The following AMBRA1 variants were observed in gnomAD, a reference collection of about 807,000 sequenced individuals.
The protein encoded by AMBRA1 is activating molecule in BECN1-regulated autophagy protein 1.
Under a neutral mutation model 125.4 loss-of-function variants are expected in AMBRA1, and 47 were observed. That is an observed-to-expected ratio of 0.37 (90% CI 0.30 to 0.48). The LOEUF is 0.48. Ranked by LOEUF, AMBRA1 falls within the 20% of genes least tolerant of loss-of-function variation. The probability of loss-of-function intolerance (pLI) is 0.99; values close to 1 mark genes in which losing one functional copy is unlikely to be tolerated. For synonymous variants in AMBRA1, 626 were observed against 655.5 expected (o/e 0.95, Z 0.69); for missense variants, 1,331 against 1,693.4 (o/e 0.79, Z 3.76).
intron 7 of AMBRA1, among the ~76,000 whole-genome samples, chr11:46,538,775 G>C (rs1952605027): frequency 6.6e-6 from 1 of 152,148 alleles, no homozygotes; most frequent in Non-Finnish European, 1.5e-5. Context: ...TGGGATTACA[G>C]GCGTGAGCCA....
intron 13 of AMBRA1, 121 bp downstream of exon 13, chr11:46,434,728 C>T (rs1471148866): frequency 1.9e-6 from 2 of 1,062,764 alleles, no homozygotes; most frequent in Non-Finnish European, 1.3e-6. Context: ...TGGCCTGTGC[C>T]CCAGTGAAGG....
At chr11:46,541,287 ATTC>A (rs1416360269) in intron 7 of AMBRA1, among the ~76,000 whole-genome samples, 2 of 152,154 alleles carry the variant, frequency 1.3e-5, no homozygotes, top group African/African-American at 2.4e-5. Context: ...TCCATGAATT[ATTC>A]TTCTTCTCCA....
In AMBRA1 at chr11:46,522,784, T is replaced by C. The variant is rs781330571; in HGVS notation, c.2073-9971A>G. Among the ~76,000 whole-genome samples the C allele has an allele frequency of 2.6e-4, 40 of 152,240 alleles. 1 individual carries two copies. The highest frequency in any genetic ancestry group is 5.1e-4 in the Non-Finnish European group (35 of 68,042). ...GAATCATTTATTGCTGTGATACTAG[T>C]AAGCCTGTGAAGGTCTTAAAAAACA... On this transcript the variant is annotated intron_variant, in intron 7 of 17. Transcript: ENST00000683756.
At chr11:46,550,294 G>A (rs1041628649) in intron 1 of AMBRA1, among the ~76,000 whole-genome samples, 4 of 152,178 alleles carry the variant, frequency 2.6e-5, no homozygotes, top group African/African-American at 9.7e-5. Context: ...TGGTGACAGT[G>A]CGTCACAGTT....
Position 46,520,588 on chromosome 11 carries a change from TTTTTC to T in AMBRA1, c.2073-7780_2073-7776del, listed in dbSNP as rs1312134810. Among the ~76,000 whole-genome samples, 299 of 151,500 alleles carry T rather than the reference TTTTTC, an allele frequency of 2.0e-3. 3 individuals are homozygous for T. Among genetic ancestry groups the T allele is most frequent in the African/African-American group, 6.8e-3 (281 of 41,258 alleles). On this transcript the variant is annotated intron_variant, in intron 7 of 17. Transcript: ENST00000683756. ...TTCCCCAGTGCCCCACAGCATTTTG[TTTTTC>T]TTTTCTTTTTTTTTTTTTTTGAGAC... is the stretch of plus-strand genomic sequence containing the variant.
chr11:46,559,515 A>G (rs922719206), intron 1 of AMBRA1, among the ~76,000 whole-genome samples: 2 of 152,178 alleles, frequency 1.3e-5, no homozygotes, highest in Admixed American at 6.6e-5. Flanking sequence ...TAATCCTCCT[A>G]TTTGAAACAC....
chr11:46,460,255 TATA>T (rs1949041207), intron 11 of AMBRA1, among the ~76,000 whole-genome samples: 1 of 152,020 alleles, frequency 6.6e-6, no homozygotes, highest in African/African-American at 2.4e-5. Flanking sequence ...AACATGGACT[TATA>T]ATACTGAATT....
At chr11:46,407,431 G>A (rs1369449255) in intron 17 of AMBRA1, among the ~76,000 whole-genome samples, 11 of 152,122 alleles carry the variant, frequency 7.2e-5, no homozygotes, top group South Asian at 2.1e-4. Flanking sequence ...GCAGCTCAGA[G>A]TCCACAGAAA....
At chr11:46,510,270 T>G (rs186176480) in intron 8 of AMBRA1, among the ~76,000 whole-genome samples, 66 of 152,318 alleles carry the variant, frequency 4.3e-4, no homozygotes, top group African/African-American at 1.3e-3. Flanking sequence ...TGGAGGAACT[T>G]TCATTATCTG....
intron 11 of AMBRA1, among the ~76,000 whole-genome samples, chr11:46,475,486 C>T (rs1752728746): frequency 6.6e-6 from 1 of 152,172 alleles, no homozygotes; most frequent in Non-Finnish European, 1.5e-5. Flanking sequence ...GTCTATTTCT[C>T]TGTATACAAA....
intron 11 of AMBRA1, among the ~76,000 whole-genome samples, chr11:46,454,579 CAAAAAAA>C (rs777518872): frequency 0.019 from 982 of 50,488 alleles, 5 homozygotes; most frequent in Non-Finnish European, 0.032. Context: ...ACTAAAAATA[CAAAAAAA>C]AAAAAAAAAA....
intron 17 of AMBRA1, among the ~76,000 whole-genome samples, chr11:46,403,388 C>T (rs1945854684): frequency 6.6e-6 from 1 of 152,238 alleles, no homozygotes; most frequent in Non-Finnish European, 1.5e-5. Context: ...CCAGACAAAA[C>T]AGAGGCTCAG....
At chr11:46,443,143 T>G (rs1948102517) in intron 12 of AMBRA1, among the ~76,000 whole-genome samples, 1 of 152,216 alleles carries the variant, frequency 6.6e-6, no homozygotes, top group Admixed American at 6.5e-5. Context: ...GTTTGTGGAC[T>G]AGTAGTTCAC....
chr11:46,543,545 G>C, intron 6 of AMBRA1, 147 bp from the exon 7 acceptor site: 1 of 1,025,538 alleles, frequency 9.8e-7, no homozygotes, highest in South Asian at 1.8e-5. Context: ...CTGAAGCACT[G>C]ACAACTGGCC....
intron 14 of AMBRA1, chr11:46,428,732 G>A (rs956638290): frequency 1.9e-6 from 3 of 1,609,120 alleles, no homozygotes; most frequent in Non-Finnish European, 2.5e-6. Flanking sequence ...CCCAGCCTCG[G>A]CTTTCTTGTC....
At chr11:46,463,606 T>C (rs534648033) in intron 11 of AMBRA1, among the ~76,000 whole-genome samples, 1 of 152,316 alleles carries the variant, frequency 6.6e-6, no homozygotes, top group African/African-American at 2.4e-5. Flanking sequence ...ATTTGTTAAC[T>C]AGGACTCAAA....
At chr11:46,552,207 GA>G (rs2043023676) in intron 1 of AMBRA1, among the ~76,000 whole-genome samples, 1 of 136,616 alleles carries the variant, frequency 7.3e-6, no homozygotes, top group South Asian at 2.3e-4. Flanking sequence ...CATCTCTACT[GA>G]AAATACAAAA....
chr11:46,465,606 A>T (rs981922841), intron 11 of AMBRA1, among the ~76,000 whole-genome samples: 6 of 152,322 alleles, frequency 3.9e-5, no homozygotes, highest in African/African-American at 1.2e-4. Context: ...GAACATGCAA[A>T]GCCAGGTGGT....
chr11:46,545,475 G>T (rs560485027), intron 5 of AMBRA1, 129 bp downstream of exon 5: 1 of 1,086,202 alleles, frequency 9.2e-7, no homozygotes, highest in Non-Finnish European at 1.3e-6. Flanking sequence ...AAAAAAATAG[G>T]AGGAGCTATG....
Sources: gnomAD v4.1 joint callset for allele counts (sites outside exome capture counted in the v4.1 genomes callset) on GRCh38, gnomAD v4.1.1 for gene constraint, MANE v1.5 for transcripts, NCBI Gene and HGNC (gene_info 2026-07-23, HGNC 2026-07-21) for gene names.